Variants in NMNAT2 observed in about 807,000 individuals in gnomAD.
NMNAT2 encodes nicotinamide nucleotide adenylyltransferase 2, also known as nicotinamide/nicotinic acid mononucleotide adenylyltransferase 2.
A neutral mutation model predicts 41.6 loss-of-function variants in NMNAT2; 11 were observed. The ratio of observed to expected loss-of-function variants is 0.26; its 90% confidence interval spans 0.17 to 0.44. The LOEUF is 0.44. NMNAT2 is among the 20% of genes least tolerant of loss of function. The probability of loss-of-function intolerance (pLI) is 1.00; values close to 1 mark genes in which losing one functional copy is unlikely to be tolerated. For synonymous variants in NMNAT2, 148 were observed against 151.2 expected (o/e 0.98, Z 0.16); for missense variants, 288 against 407.7 (o/e 0.71, Z 2.53).
chr1:183,357,084 G>A (rs1249640007), intron 1 of NMNAT2, among the ~76,000 whole-genome samples: 5 of 152,066 alleles, frequency 3.3e-5, no homozygotes, highest in Non-Finnish European at 4.4e-5. Context: ...GATTTGGGAC[G>A]GCTATGGTGA....
intron 1 of NMNAT2, among the ~76,000 whole-genome samples, chr1:183,387,130 T>C (rs1281173631): frequency 1.3e-5 from 2 of 151,018 alleles, no homozygotes; most frequent in African/African-American, 2.4e-5. Context: ...TAATAATATA[T>C]AGAGTATAAT....
chr1:183,407,777 A>G (rs1322688730), intron 1 of NMNAT2, among the ~76,000 whole-genome samples: 1 of 152,256 alleles, frequency 6.6e-6, no homozygotes, highest in Non-Finnish European at 1.5e-5. Context: ...GCCTGATGCA[A>G]TTGGTGTGCT....
At chr1:183,368,900 A>G (rs1571622950) in intron 1 of NMNAT2, among the ~76,000 whole-genome samples, 1 of 152,242 alleles carries the variant, frequency 6.6e-6, no homozygotes. Flanking sequence ...TTTAGCAAGC[A>G]GTGTTCCATT....
intron 8 of NMNAT2, among the ~76,000 whole-genome samples, chr1:183,271,562 A>T (rs1660989429): frequency 6.6e-6 from 1 of 152,230 alleles, no homozygotes. Flanking sequence ...AATGTTTACT[A>T]GGTTCAGGAA....
At chr1:183,254,465 G>T (rs1660469717) in intron 10 of NMNAT2, among the ~76,000 whole-genome samples, 2 of 152,078 alleles carry the variant, frequency 1.3e-5, no homozygotes, top group African/African-American at 4.8e-5. Context: ...GAGAGACAGG[G>T]TCTCACTCTG....
intron 1 of NMNAT2, among the ~76,000 whole-genome samples, chr1:183,294,157 T>C (rs1324899354): frequency 6.6e-6 from 1 of 150,920 alleles, no homozygotes; most frequent in Non-Finnish European, 1.5e-5. Flanking sequence ...TGTGGAGGAG[T>C]AGTATTTAAA....
chr1:183,417,710 G>T (rs1281987253), intron 1 of NMNAT2, among the ~76,000 whole-genome samples: 2 of 152,188 alleles, frequency 1.3e-5, no homozygotes, highest in Non-Finnish European at 2.9e-5. Context: ...TCGGGCGCGA[G>T]TGTGTTTGCG....
At chr1:183,363,803 A>T (rs1337682253) in intron 1 of NMNAT2, among the ~76,000 whole-genome samples, 2 of 152,242 alleles carry the variant, frequency 1.3e-5, no homozygotes, top group Admixed American at 6.5e-5. Context: ...ATAACATGAC[A>T]TTCAGTGTCT....
chr1:183,283,058 C>T (rs1340739262), intron 7 of NMNAT2: 2 of 152,136 alleles, frequency 1.3e-5, no homozygotes, highest in Non-Finnish European at 2.9e-5. Context: ...CCAGAGAAGC[C>T]CCTTGAAATG....
intron 7 of NMNAT2, 52 bp downstream of exon 7, chr1:183,283,943 G>C: frequency 3.2e-6 from 5 of 1,578,896 alleles, no homozygotes; most frequent in Non-Finnish European, 4.4e-6. Context: ...CTGTCGTGAA[G>C]GCAGGGAGCT....
chr1:183,343,410 C>T (rs115614004), intron 1 of NMNAT2, among the ~76,000 whole-genome samples: 468 of 152,310 alleles, frequency 3.1e-3, no homozygotes, highest in African/African-American at 0.011. Flanking sequence ...TCCTGACCAT[C>T]CCATCTCCAG....
chr1:183,380,026 G>A (rs1344646926), intron 1 of NMNAT2, among the ~76,000 whole-genome samples: 6 of 152,166 alleles, frequency 3.9e-5, no homozygotes, highest in Non-Finnish European at 8.8e-5. Flanking sequence ...GAGATATTAT[G>A]AGAAACAACC....
chr1:183,318,283 C>A (rs1171641446), intron 1 of NMNAT2, among the ~76,000 whole-genome samples: 1 of 152,194 alleles, frequency 6.6e-6, no homozygotes, highest in Non-Finnish European at 1.5e-5. Flanking sequence ...TGTGCCCCAG[C>A]CTGAAGTCCT....
chr1:183,378,708 A>G (rs896716205), intron 1 of NMNAT2, among the ~76,000 whole-genome samples: 20 of 152,314 alleles, frequency 1.3e-4, no homozygotes, highest in African/African-American at 4.1e-4. Flanking sequence ...CAATCATATC[A>G]ATAATCATTT....
At chr1:183,320,700 T>C (rs1662340832) in intron 1 of NMNAT2, among the ~76,000 whole-genome samples, 1 of 152,248 alleles carries the variant, frequency 6.6e-6, no homozygotes, top group South Asian at 2.1e-4. Context: ...GAGACAGCTA[T>C]GTTTTACCTG....
chr1:183,276,959 C>A (rs533425021), intron 8 of NMNAT2, among the ~76,000 whole-genome samples: 5 of 152,318 alleles, frequency 3.3e-5, no homozygotes, highest in African/African-American at 1.2e-4. Flanking sequence ...TCCCTCCCAT[C>A]TTGGTTATCC....
intron 1 of NMNAT2, among the ~76,000 whole-genome samples, chr1:183,316,890 T>C (rs543025085): frequency 8.5e-5 from 13 of 152,304 alleles, no homozygotes; most frequent in African/African-American, 2.2e-4. Flanking sequence ...CGGTCCTGCA[T>C]TTTGGGACTC....
At chr1:183,342,585 A>G (rs1367997388) in intron 1 of NMNAT2, among the ~76,000 whole-genome samples, 1 of 152,110 alleles carries the variant, frequency 6.6e-6, no homozygotes, top group East Asian at 1.9e-4. Context: ...CCTCTTCTCC[A>G]TATATGACTT....
chr1:183,340,014 A>G (rs1662761602), intron 1 of NMNAT2, among the ~76,000 whole-genome samples: 1 of 152,248 alleles, frequency 6.6e-6, no homozygotes, highest in African/African-American at 2.4e-5. Context: ...CAGCAGAGTC[A>G]CTTAGGCCAA....
Sources: allele counts gnomAD v4.1 joint callset (sites outside exome capture counted in the v4.1 genomes callset), GRCh38; gene constraint gnomAD v4.1.1; transcripts MANE v1.5; gene names NCBI Gene and HGNC (gene_info 2026-07-23, HGNC 2026-07-21).